The following DCAF12 variants were observed in gnomAD, a reference collection of about 807,000 sequenced individuals.
The protein encoded by DCAF12 is DDB1- and CUL4-associated factor 12.
A neutral mutation model predicts 52.8 loss-of-function variants in DCAF12; 28 were observed. The observed-to-expected ratio is 0.53, with a 90% CI of 0.39 to 0.73. The LOEUF is 0.73. DCAF12 is among the 30% of genes least tolerant of loss of function. The pLI is 0.00. For synonymous variants in DCAF12, 196 were observed against 215.5 expected, an observed-to-expected ratio of 0.91 and a Z score of 0.79; for missense variants, 425 against 552.2, an observed-to-expected ratio of 0.77 and a Z score of 2.31.
At chr9:34,094,680 A>G (rs1028312050) in intron 6 of DCAF12, among the ~76,000 whole-genome samples, 12 of 151,736 alleles carry the variant, frequency 7.9e-5, no homozygotes, top group East Asian at 2.0e-4. Flanking sequence ...ACAAGCGCCC[A>G]CCACCACGCC....
At chr9:34,099,077 T>C (rs1396357002) in intron 4 of DCAF12, among the ~76,000 whole-genome samples, 1 of 149,842 alleles carries the variant, frequency 6.7e-6, no homozygotes, top group East Asian at 2.0e-4. Context: ...GTCTGCTTTT[T>C]TTTTTTTTGA....
At chr9:34,088,536 A>G in intron 8 of DCAF12, 28 bp from the exon 9 acceptor site, 1 of 1,613,570 alleles carries the variant, frequency 6.2e-7, no homozygotes, top group Non-Finnish European at 8.5e-7. Context: ...GACTACAATT[A>G]GCACCTCTAG....
chr9:34,120,038 C>T (rs1043933579), intron 2 of DCAF12, among the ~76,000 whole-genome samples: 2 of 151,124 alleles, frequency 1.3e-5, no homozygotes, highest in African/African-American at 4.9e-5. Flanking sequence ...CCTGTCTCTA[C>T]TAAAAAACAA....
chr9:34,102,984 G>A (rs1216723972), intron 4 of DCAF12, among the ~76,000 whole-genome samples: 1 of 149,056 alleles, frequency 6.7e-6, no homozygotes, highest in Non-Finnish European at 1.5e-5. Flanking sequence ...GACAGGGGTG[G>A]GGTGCTGAGA....
intron 4 of DCAF12, among the ~76,000 whole-genome samples, chr9:34,098,895 A>C (rs898837635): frequency 1.3e-5 from 2 of 151,132 alleles, no homozygotes; most frequent in Non-Finnish European, 1.5e-5. Context: ...CACCCTCCCA[A>C]GTAGCTGGGA....
chr9:34,126,683 G>A lies in DCAF12; in HGVS notation c.-252C>T, dbSNP rs997672690. Reference sequence around the variant, plus strand: ...TTCCGACGGCAGAGCCTGCAAGGACGGCGAGCGGCTAGAACCAAAACACCC... The same window carrying A: ...TTCCGACGGCAGAGCCTGCAAGGACAGCGAGCGGCTAGAACCAAAACACCC... On this transcript the variant is annotated 5_prime_UTR_variant, in exon 1 of 9. Transcript: ENST00000361264. The A allele has an allele frequency of 1.8e-6, 1 of 564,634 alleles. No individual in the cohort carries two copies. The highest frequency in any genetic ancestry group is 3.1e-6 in the Non-Finnish European group (1 of 320,986). The allele number at this position is 564,634 out of a possible 1,614,324, so 35.0% of individuals were successfully genotyped here. A position where few individuals can be genotyped will look rare whatever the true frequency, so the allele number is the denominator to read the frequency against.
chr9:34,122,428 A>AC (rs1276345131), intron 2 of DCAF12, among the ~76,000 whole-genome samples: 12 of 150,504 alleles, frequency 8.0e-5, no homozygotes, highest in African/African-American at 2.9e-4. Flanking sequence ...CTTAACATTC[A>AC]CCCTGCCATC....
intron 4 of DCAF12, among the ~76,000 whole-genome samples, chr9:34,104,564 T>G (rs1043215655): frequency 4.6e-5 from 7 of 152,172 alleles, no homozygotes; most frequent in Non-Finnish European, 1.0e-4. Flanking sequence ...GAAGATTACT[T>G]TGTGTACAGT....
At chr9:34,092,848 C>T (rs1160792701) in intron 7 of DCAF12, among the ~76,000 whole-genome samples, 1 of 152,028 alleles carries the variant, frequency 6.6e-6, no homozygotes, top group Non-Finnish European at 1.5e-5. Context: ...ACTCCCCCCA[C>T]ACCCCTTTTT....
intron 5 of DCAF12, among the ~76,000 whole-genome samples, 155 bp from the exon 6 acceptor site, chr9:34,096,936 A>G (rs1828745063): frequency 6.6e-6 from 1 of 152,168 alleles, no homozygotes; most frequent in Non-Finnish European, 1.5e-5. Context: ...ACTTCACCCT[A>G]CAGAACCTAG....
In DCAF12 at chr9:34,107,340, A is replaced by G; in HGVS notation, c.540+19T>C. ...TAAAAACAAGGCTCCCTCCAACTAC[A>G]ACTACTGGGAAAACTTACATCTCCT... On this transcript the variant is annotated intron_variant, in intron 3 of 8. Coordinates refer to ENST00000361264, the MANE Select transcript of DCAF12 (RefSeq NM_015397.4). 2 of 1,612,058 alleles carry G rather than the reference A, an allele frequency of 1.2e-6. No homozygotes were observed. Among genetic ancestry groups the G allele is most frequent in the Non-Finnish European group, 1.7e-6 (2 of 1,178,382 alleles).
chr9:34,093,198 T>C (rs575566569), intron 7 of DCAF12, 88 bp downstream of exon 7: 118 of 1,498,922 alleles, frequency 7.9e-5, no homozygotes, highest in Admixed American at 1.7e-4. Flanking sequence ...CAGAGCACTA[T>C]ACCTGTTTGG....
intron 7 of DCAF12, among the ~76,000 whole-genome samples, chr9:34,092,695 AAC>A (rs1256816536): frequency 2.7e-5 from 4 of 147,468 alleles, no homozygotes; most frequent in Non-Finnish European, 4.5e-5. Context: ...AAAAAAAAAA[AAC>A]AACAACAACA....
chr9:34,095,430 G>C (rs550314898), intron 6 of DCAF12, among the ~76,000 whole-genome samples: 26 of 146,322 alleles, frequency 1.8e-4, no homozygotes, highest in African/African-American at 6.4e-4. Context: ...ACCCAGGCTG[G>C]AGTGCAGTGG....
chr9:34,104,165 C>T (rs777235990), intron 4 of DCAF12, among the ~76,000 whole-genome samples: 3 of 151,324 alleles, frequency 2.0e-5, no homozygotes, highest in Admixed American at 6.6e-5. Context: ...CTTGGGAGGC[C>T]GAGGCAAGAG....
rs543614619 is a variant in DCAF12, at chr9:34,124,607, G to A, written c.333+416C>T. Among the ~76,000 whole-genome samples, 15 of 152,252 alleles carry A rather than the reference G, an allele frequency of 9.9e-5. No homozygotes were observed. In the South Asian group the frequency reaches 3.1e-3, roughly 32 times the overall value. ...ATTCTGTTCACTAAAAAACAGCCAAGTGTGCTATTTTAAATACTTCGACAT... is the reference window on the plus strand; with the variant it reads ...ATTCTGTTCACTAAAAAACAGCCAAATGTGCTATTTTAAATACTTCGACAT... On this transcript the variant is annotated intron_variant, in intron 2 of 8. Transcript: ENST00000361264.
At chr9:34,126,300 G>A in intron 1 of DCAF12, 54 bp downstream of exon 1, 1 of 1,597,272 alleles carries the variant, frequency 6.3e-7, no homozygotes, top group Non-Finnish European at 8.5e-7. Context: ...CGGACCCTAA[G>A]CCCATCTTGG....
rs1828564705 is a variant in DCAF12, at chr9:34,086,871, A to C, written c.*1479T>G. Reference sequence around the variant, plus strand: ...GGACAACTGGGAGAACAAGTTAAAAAACTGGGGTGCAGGAATAAATATGAC... The same window carrying C: ...GGACAACTGGGAGAACAAGTTAAAACACTGGGGTGCAGGAATAAATATGAC... On this transcript the variant is annotated 3_prime_UTR_variant, in exon 9 of 9. Transcript: ENST00000361264. 1 of 152,196 alleles carries C rather than the reference A, an allele frequency of 6.6e-6. No homozygotes were observed. Among genetic ancestry groups the C allele is most frequent in the Non-Finnish European group, 1.5e-5 (1 of 68,038 alleles). 9.4% of individuals were successfully genotyped at this position (152,196 alleles called of 1,614,324 possible).
At chr9:34,092,174 T>C (rs1475996966) in intron 7 of DCAF12, among the ~76,000 whole-genome samples, 8 of 152,236 alleles carry the variant, frequency 5.3e-5, no homozygotes, top group Non-Finnish European at 8.8e-5. Flanking sequence ...TTGAGGTTTG[T>C]CATACAATAT....
Sources: gnomAD v4.1 joint callset for allele counts (sites outside exome capture counted in the v4.1 genomes callset) on GRCh38, gnomAD v4.1.1 for gene constraint, MANE v1.5 for transcripts, NCBI Gene and HGNC (gene_info 2026-07-23, HGNC 2026-07-21) for gene names.